MORC1: variants seen among roughly 807,000 people sequenced by gnomAD.
MORC1 encodes MORC family CW-type zinc finger protein 1.
MORC1 carries 59 observed loss-of-function variants against 134.9 expected under a neutral mutation model. The ratio of observed to expected loss-of-function variants is 0.44; its 90% CI spans 0.35 to 0.54. MORC1 has a LOEUF of 0.54. MORC1 is among the 20% of genes least tolerant of loss of function. The probability of loss-of-function intolerance (pLI) is 0.00; values close to 1 mark genes in which losing one functional copy is unlikely to be tolerated. For synonymous variants in MORC1, 395 were observed against 391.7 expected (o/e 1.01, Z -0.10); for missense variants, 947 against 1,134.5 (o/e 0.83, Z 2.37).
intron 20 of MORC1, among the ~76,000 whole-genome samples, chr3:109,003,262 CAT>C (rs60788462): frequency 1.3e-4 from 19 of 149,556 alleles, no homozygotes; most frequent in East Asian, 1.2e-3. Context: ...TAAAATTATA[CAT>C]ATATATATAT....
intron 17 of MORC1, among the ~76,000 whole-genome samples, chr3:109,023,412 A>G (rs976541276): frequency 9.2e-5 from 14 of 152,384 alleles, no homozygotes; most frequent in African/African-American, 3.1e-4. Context: ...CACATAAGCA[A>G]TTCATCACAC....
At chr3:109,115,044 T>A (rs1951240458) in intron 1 of MORC1, among the ~76,000 whole-genome samples, 1 of 152,224 alleles carries the variant, frequency 6.6e-6, no homozygotes, top group Admixed American at 6.5e-5. Flanking sequence ...CTTCAGTATT[T>A]ACAACAGTTT....
chr3:108,962,638 C>T (rs1469125939), intron 27 of MORC1, among the ~76,000 whole-genome samples: 1 of 152,162 alleles, frequency 6.6e-6, no homozygotes, highest in Non-Finnish European at 1.5e-5. Flanking sequence ...TCCCTAGGCT[C>T]ACTGTTCTGG....
In MORC1 at chr3:108,984,698, T is replaced by A. The variant is rs780614332; in HGVS notation, c.2324+18A>T. ...TAATTGCACTCACTTGGAATTTGTA[T>A]AACTGTAGTACACTCACCTTTTCCA... is the stretch of plus-strand genomic sequence containing the variant. On this transcript the variant is annotated intron_variant, in intron 23 of 27. Coordinates refer to ENST00000232603, the MANE Select transcript of MORC1 (RefSeq NM_014429.4). 2.3e-5 allele frequency: 36 copies of A among 1,552,670 alleles called. No homozygotes were observed. In the South Asian group the frequency reaches 4.1e-4, roughly 18 times the overall value.
intron 24 of MORC1, among the ~76,000 whole-genome samples, chr3:108,974,026 C>G (rs1181398967): frequency 1.3e-5 from 2 of 152,082 alleles, no homozygotes; most frequent in Non-Finnish European, 2.9e-5. Flanking sequence ...GATTTCCTGG[C>G]TATTACAGAC....
chr3:109,061,612 T>G (rs1360542392), intron 11 of MORC1, among the ~76,000 whole-genome samples: 3 of 152,178 alleles, frequency 2.0e-5, no homozygotes, highest in African/African-American at 7.2e-5. Context: ...GAGCTCTAAT[T>G]TGAATAGATA....
intron 26 of MORC1, among the ~76,000 whole-genome samples, chr3:108,965,029 G>A (rs1438070879): frequency 4.6e-5 from 7 of 152,168 alleles, no homozygotes. Flanking sequence ...AGAGGCTGCA[G>A]GCAAACCCAG....
intron 22 of MORC1, among the ~76,000 whole-genome samples, chr3:108,986,244 G>A (rs1947889986): frequency 6.6e-6 from 1 of 152,090 alleles, no homozygotes; most frequent in Non-Finnish European, 1.5e-5. Context: ...ACATTAGAAT[G>A]CATAATAAAA....
intron 24 of MORC1, among the ~76,000 whole-genome samples, chr3:108,978,320 T>C (rs1252471217): frequency 6.6e-6 from 1 of 152,230 alleles, no homozygotes; most frequent in African/African-American, 2.4e-5. Context: ...TGTAGCAGTC[T>C]GTATTCATTG....
intron 8 of MORC1, among the ~76,000 whole-genome samples, chr3:109,076,598 C>A (rs1171967247): frequency 1.3e-5 from 2 of 152,130 alleles, no homozygotes; most frequent in Non-Finnish European, 2.9e-5. Context: ...CAATGACAGA[C>A]TGGATAAAGA....
Position 109,094,927 on chromosome 3 carries a change from C to A in MORC1, c.565G>T (p.Val189Leu). 6.3e-7 allele frequency: 1 copy of A among 1,576,422 alleles called. No individual in the cohort carries two copies. The highest frequency in any genetic ancestry group is 1.2e-5 in the South Asian group (1 of 81,632). Residue 189 changes from valine to leucine, a missense_variant, in exon 7 of 28, where the codon GTG becomes TTG. This residue lies in a region of MORC1 where 214 missense variants were observed against 281.3 expected (regional missense o/e 0.76). Transcript: ENST00000232603. ...TEAELMQQFD[V>L]IYGKCGTLLV... ...ATCTTACCACATTTTCCATAGATCACATCAAACTGCTGCATCAATTCTGCT... is the reference window on the plus strand; with the variant it reads ...ATCTTACCACATTTTCCATAGATCAAATCAAACTGCTGCATCAATTCTGCT...
intron 6 of MORC1, among the ~76,000 whole-genome samples, chr3:109,098,139 G>A (rs1950861713): frequency 6.6e-6 from 1 of 151,884 alleles, no homozygotes; most frequent in Admixed American, 6.6e-5. Context: ...TCAAACTACT[G>A]GGCTCAAGTG....
intron 24 of MORC1, among the ~76,000 whole-genome samples, chr3:108,974,588 C>T (rs940719177): frequency 6.6e-6 from 1 of 152,168 alleles, no homozygotes; most frequent in Admixed American, 6.5e-5. Flanking sequence ...GATTCATTCA[C>T]TAGTATCCAC....
Position 109,059,888 on chromosome 3 carries a change from T to C in MORC1, c.967-18A>G, listed in dbSNP as rs1284042342. On this transcript the variant is annotated intron_variant, in intron 11 of 27. Coordinates refer to ENST00000232603, the MANE Select transcript of MORC1 (RefSeq NM_014429.4). ...AATACATCCTGGAGAAATGCATTGGTTGGGAGAGAACATAATGCCACTGAA... is the reference window on the plus strand; with the variant it reads ...AATACATCCTGGAGAAATGCATTGGCTGGGAGAGAACATAATGCCACTGAA... 52 of 1,603,368 alleles carry C rather than the reference T, an allele frequency of 3.2e-5. No homozygotes were observed. Among genetic ancestry groups the C allele is most frequent in the Non-Finnish European group, 4.2e-5 (49 of 1,174,182 alleles).
intron 14 of MORC1, among the ~76,000 whole-genome samples, chr3:109,038,135 T>C (rs1437476140): frequency 6.6e-6 from 1 of 152,180 alleles, no homozygotes; most frequent in Non-Finnish European, 1.5e-5. Context: ...GATCACCATT[T>C]TAACTGGTAT....
chr3:109,050,139 C>CG (rs1417751366), intron 14 of MORC1, among the ~76,000 whole-genome samples: 5 of 152,150 alleles, frequency 3.3e-5, no homozygotes, highest in Non-Finnish European at 7.4e-5. Flanking sequence ...AGGCCTTCCC[C>CG]GGCCTACAGA....
chr3:109,065,946 T>C (rs1576701709), intron 9 of MORC1, among the ~76,000 whole-genome samples: 1 of 152,282 alleles, frequency 6.6e-6, no homozygotes, highest in East Asian at 1.9e-4. Context: ...GTCCCATTTA[T>C]AAGTGGGAGC....
At chr3:108,996,308 A>ACACACACACACACAC (rs1553745343) in intron 21 of MORC1, among the ~76,000 whole-genome samples, 6 of 151,318 alleles carry the variant, frequency 4.0e-5, no homozygotes, top group African/African-American at 7.3e-5. Context: ...ACACACACAC[A>ACACACACACACACAC]ACTAGAATTT....
At chr3:109,015,049 C>T (rs1423537586) in intron 17 of MORC1, among the ~76,000 whole-genome samples, 1 of 152,116 alleles carries the variant, frequency 6.6e-6, no homozygotes, top group Non-Finnish European at 1.5e-5. Context: ...CCACGCCCAG[C>T]TAATTTGTTC....
Sources: allele counts gnomAD v4.1 joint callset (sites outside exome capture counted in the v4.1 genomes callset), GRCh38; gene constraint gnomAD v4.1.1; regional missense constraint gnomAD v4.1.1; transcripts MANE v1.5; gene names NCBI Gene and HGNC (gene_info 2026-07-23, HGNC 2026-07-21).